The following FBXW12 variants were observed in gnomAD, a reference collection of about 807,000 sequenced individuals.
The protein encoded by FBXW12 is F-box/WD repeat-containing protein 12.
In FBXW12, 43 loss-of-function variants were observed where a neutral mutation model predicts 55.3. The ratio of observed to expected loss-of-function variants is 0.78; its 90% CI spans 0.61 to 1.00. FBXW12 has a LOEUF of 1.00. Among genes scored for constraint, FBXW12 ranks in the 50% least tolerant of loss-of-function variants. FBXW12 has a pLI of 0.00. For synonymous variants in FBXW12, 184 were observed against 203.8 expected (o/e 0.90, Z 0.83); for missense variants, 524 against 560.5 (o/e 0.93, Z 0.66).
At chr3:48,374,202 C>G (rs2036648390) in intron 4 of FBXW12, among the ~76,000 whole-genome samples, 1 of 152,132 alleles carries the variant, frequency 6.6e-6, no homozygotes, top group South Asian at 2.1e-4. Context: ...AGGGCCAGAC[C>G]CTGTCTCTAA....
At position 48,381,702 on chromosome 3, in the gene FBXW12, T is replaced by C; in HGVS notation, c.988T>C (p.Tyr330His). 1 of 1,568,944 alleles carries C rather than the reference T, an allele frequency of 6.4e-7. No homozygotes were observed. Among genetic ancestry groups the C allele is most frequent in the South Asian group, 1.2e-5 (1 of 83,504 alleles). Residue 330 changes from tyrosine (Y) to histidine (H), a missense_variant and splice_region_variant, in exon 9 of 11, where the codon TAT becomes CAT. By Grantham distance (83) the Tyr-to-His change is moderately conservative (BLOSUM62 2). Coordinates refer to ENST00000296438, the MANE Select transcript of FBXW12 (RefSeq NM_207102.2). ...ATGTGCGTTTTACATGAAAACAGCATATGAGATCGCAAGTTTCCAGGTGGC... is the reference window on the plus strand; with the variant it reads ...ATGTGCGTTTTACATGAAAACAGCACATGAGATCGCAAGTTTCCAGGTGGC... ...KTGGQTVIQAYEIASFQVAAH... is the reference protein window; with the variant it reads ...KTGGQTVIQAHEIASFQVAAH...
Position 48,372,322 on chromosome 3 carries a change from T to A in FBXW12, c.-85+2T>A. 1 of 1,552,204 alleles carries A rather than the reference T, an allele frequency of 6.4e-7. No individual in the cohort carries two copies. Among genetic ancestry groups the A allele is most frequent in the Non-Finnish European group, 8.7e-7 (1 of 1,147,100 alleles). On this transcript the variant is annotated splice_donor_variant, in intron 1 of 10. Transcript: ENST00000296438. LOFTEE classifies it low-confidence loss of function (5UTR_SPLICE). ...ACTCACCAGATTCAAGATCCCAAGG[T>A]AGGCACAGACACAGGGCAAGCAGAC...
intron 10 of FBXW12, among the ~76,000 whole-genome samples, chr3:48,382,940 T>TC (rs2036798992): frequency 6.6e-6 from 1 of 152,210 alleles, no homozygotes; most frequent in South Asian, 2.1e-4. Context: ...CTCCAATCAT[T>TC]CAAGTACATT....
intron 5 of FBXW12, among the ~76,000 whole-genome samples, chr3:48,377,714 G>C (rs961129034): frequency 6.6e-6 from 1 of 152,208 alleles, no homozygotes; most frequent in Non-Finnish European, 1.5e-5. Context: ...AGCCATGGGG[G>C]AGTTGTTAAA....
Position 48,375,274 on chromosome 3 carries a change from G to T in FBXW12, c.287-80G>T, listed in dbSNP as rs1032941336. ...ACCCAAACCTTCCTAAGAGGGTACA[G>T]AAATATTTTAAATTATCTTCTTTTG... On this transcript the variant is annotated intron_variant, in intron 4 of 10. Coordinates refer to ENST00000296438, the MANE Select transcript of FBXW12 (RefSeq NM_207102.2). 41 of 918,336 alleles carry T rather than the reference G, an allele frequency of 4.5e-5. No homozygotes were observed. In the East Asian group the frequency reaches 1.0e-3, roughly 23 times the overall value. 56.9% of individuals were successfully genotyped at this position (918,336 alleles called of 1,614,324 possible).
chr3:48,379,958 G>C (rs2036742594), intron 7 of FBXW12: 1 of 182,056 alleles, frequency 5.5e-6, no homozygotes, highest in African/African-American at 2.4e-5. Flanking sequence ...ACCAAGTCTG[G>C]CATCAATACG....
chr3:48,392,706 T>C (rs377297579), intron 10 of FBXW12, among the ~76,000 whole-genome samples: 16 of 152,284 alleles, frequency 1.1e-4, no homozygotes, highest in African/African-American at 3.6e-4. Context: ...ATTTGAAAAA[T>C]GTTGTGCCTC....
At chr3:48,376,783 A>G (rs976770447) in intron 5 of FBXW12, among the ~76,000 whole-genome samples, 1 of 152,236 alleles carries the variant, frequency 6.6e-6, no homozygotes, top group African/African-American at 2.4e-5. Flanking sequence ...TAGAACCAAG[A>G]GTCATTAAAG....
intron 4 of FBXW12, among the ~76,000 whole-genome samples, chr3:48,374,605 GGCATAAGCCAC>G (rs1295612926): frequency 6.6e-6 from 1 of 151,650 alleles, no homozygotes; most frequent in Non-Finnish European, 1.5e-5. Context: ...TGGGATTCCG[GGCATAAGCCAC>G]CATACCCGAC....
At chr3:48,376,041 G>A (rs1408384543) in intron 5 of FBXW12, among the ~76,000 whole-genome samples, 1 of 138,176 alleles carries the variant, frequency 7.2e-6, no homozygotes, top group Non-Finnish European at 1.5e-5. Context: ...GAGTGTAGTG[G>A]CGCGATCTCA....
chr3:48,393,423 G>A (rs542476687), intron 10 of FBXW12, among the ~76,000 whole-genome samples: 1 of 152,142 alleles, frequency 6.6e-6, no homozygotes, highest in Non-Finnish European at 1.5e-5. Context: ...GCAAGGCAGG[G>A]ATGGTCAACA....
At chr3:48,375,291 C>T (rs868729411) in intron 4 of FBXW12, 63 bp from the exon 5 acceptor site, 4 of 978,998 alleles carry the variant, frequency 4.1e-6, no homozygotes, top group Middle Eastern at 2.1e-4. Context: ...TTTAAATTAT[C>T]TTCTTTTGGT....
At position 48,372,808 on chromosome 3, in the gene FBXW12, T is replaced by A; in HGVS notation, c.41T>A (p.Phe14Tyr). The A allele has an allele frequency of 6.2e-7, 1 of 1,614,154 alleles. No individual in the cohort carries two copies. The highest frequency in any genetic ancestry group is 8.5e-7 in the Non-Finnish European group (1 of 1,180,030). Reference protein sequence around the residue: ...RLPDLALKRIFSFLDLFGLLQ... With the variant: ...RLPDLALKRIYSFLDLFGLLQ... ...CCTGACTTAGCTTTGAAGCGAATCT[T>A]CTCTTTCCTGGACCTGTTCGGCTTG... The change falls in exon 2 of 11, where the codon TTC (phenylalanine) becomes TAC (tyrosine). Residue 14 changes from phenylalanine to tyrosine, a missense_variant. Transcript: ENST00000296438.
rs766975483 is a variant in FBXW12, at chr3:48,380,881, C to G, written c.954C>G (p.Thr318=). 3.7e-6 allele frequency: 6 copies of G among 1,614,054 alleles called. No homozygotes were observed. Among genetic ancestry groups the G allele is most frequent in the Admixed American group, 1.7e-5 (1 of 60,014 alleles). Reference sequence around the variant, plus strand: ...AATTTATCACCTTTGATCTAACAACCAAGAAGACTGGAGGCCAAACAGTCA... The same window carrying G: ...AATTTATCACCTTTGATCTAACAACGAAGAAGACTGGAGGCCAAACAGTCA... The part of the protein sequence containing the change: ...KTEFITFDLT[T]KKTGGQTVIQ... The change falls in exon 8 of 11, where the codon ACC becomes ACG. Residue 318 remains threonine (T), a synonymous_variant. Transcript: ENST00000296438.
chr3:48,386,122 T>G (rs2036844541), intron 10 of FBXW12, among the ~76,000 whole-genome samples: 2 of 152,216 alleles, frequency 1.3e-5, no homozygotes, highest in Non-Finnish European at 2.9e-5. Flanking sequence ...ACTTTCTTCT[T>G]GTAGTTCAGG....
intron 4 of FBXW12, among the ~76,000 whole-genome samples, chr3:48,374,887 A>G (rs2036661074): frequency 6.7e-6 from 1 of 149,452 alleles, no homozygotes; most frequent in Non-Finnish European, 1.5e-5. Flanking sequence ...CTCATGCCTC[A>G]GCCTCCCAAG....
chr3:48,384,913 T>C (rs1286109784), intron 10 of FBXW12, among the ~76,000 whole-genome samples: 2 of 152,228 alleles, frequency 1.3e-5, no homozygotes, highest in Non-Finnish European at 2.9e-5. Context: ...TAGATGTATA[T>C]ATTGTAGAAT....
chr3:48,393,632 A>G (rs1397906695), intron 10 of FBXW12, among the ~76,000 whole-genome samples: 2 of 152,142 alleles, frequency 1.3e-5, no homozygotes, highest in African/African-American at 4.8e-5. Flanking sequence ...ATTTTAAAAT[A>G]AAAATCCAGG....
In FBXW12 at chr3:48,372,742, G is replaced by A; in HGVS notation, c.-26G>A. The A allele has an allele frequency of 2.5e-6, 4 of 1,614,200 alleles. No individual in the cohort carries two copies. The highest frequency in any genetic ancestry group is 2.2e-5 in the East Asian group (1 of 44,880). Reference sequence around the variant, plus strand: ...AGCAGCCCGGAGAGGAGAAAGGAAAGTGGATGTGGGTTCAGGCCGCATGAA... The same window carrying A: ...AGCAGCCCGGAGAGGAGAAAGGAAAATGGATGTGGGTTCAGGCCGCATGAA... On this transcript the variant is annotated 5_prime_UTR_variant, in exon 2 of 11. It adds an upstream start codon to the 5' untranslated region. Transcript: ENST00000296438.
Sources: gnomAD v4.1 joint callset for allele counts (sites outside exome capture counted in the v4.1 genomes callset) on GRCh38, gnomAD v4.1.1 for gene constraint, MANE v1.5 for transcripts, NCBI Gene and HGNC (gene_info 2026-07-23, HGNC 2026-07-21) for gene names.